ALK: variants seen among roughly 807,000 people sequenced by gnomAD.
The protein encoded by ALK is ALK tyrosine kinase receptor.
ALK carries 74 observed loss-of-function variants against 163.1 expected under a neutral mutation model. That is an observed-to-expected ratio of 0.45 (90% CI 0.38 to 0.55). ALK has a LOEUF of 0.55. ALK is among the 20% of genes least tolerant of loss of function. The probability of loss-of-function intolerance (pLI) is 0.00; values close to 1 mark genes in which losing one functional copy is unlikely to be tolerated. For synonymous variants in ALK, 960 were observed against 843.2 expected (o/e 1.14, Z -2.40); for missense variants, 2,063 against 2,105.3 (o/e 0.98, Z 0.39).
intron 1 of ALK, among the ~76,000 whole-genome samples, chr2:29,870,942 A>C (rs1184360911): frequency 6.6e-6 from 1 of 152,244 alleles, no homozygotes; most frequent in African/African-American, 2.4e-5. Flanking sequence ...CCACAAGGTC[A>C]TGCAGGATCA....
intron 26 of ALK, among the ~76,000 whole-genome samples, chr2:29,204,958 C>T (rs1669276078): frequency 1.3e-5 from 2 of 152,142 alleles, no homozygotes; most frequent in African/African-American, 4.8e-5. Context: ...GGTCTCTCCA[C>T]TGTGAAGTTT....
At chr2:29,753,917 T>C (rs1005304882) in intron 1 of ALK, among the ~76,000 whole-genome samples, 15 of 152,350 alleles carry the variant, frequency 9.8e-5, no homozygotes, top group Admixed American at 3.9e-4. Context: ...CTGAATCATT[T>C]TGAATGTTTT....
chr2:29,795,598 T>C (rs1328778127), intron 1 of ALK, among the ~76,000 whole-genome samples: 1 of 152,096 alleles, frequency 6.6e-6, no homozygotes, highest in Non-Finnish European at 1.5e-5. Context: ...CTACTTGAAA[T>C]AAAAAGTGAT....
intron 1 of ALK, among the ~76,000 whole-genome samples, chr2:29,747,850 A>T (rs537996808): frequency 6.6e-6 from 1 of 152,330 alleles, no homozygotes; most frequent in South Asian, 2.1e-4. Flanking sequence ...CACATTGTCA[A>T]GCTTTCCCTT....
intron 1 of ALK, among the ~76,000 whole-genome samples, chr2:29,801,461 C>T (rs934847383): frequency 3.9e-5 from 6 of 152,182 alleles, no homozygotes; most frequent in Admixed American, 6.5e-5. Context: ...TTGCTTTTAA[C>T]GATTCTAAGT....
intron 4 of ALK, among the ~76,000 whole-genome samples, chr2:29,525,270 C>T (rs1672926652): frequency 6.6e-6 from 1 of 152,190 alleles, no homozygotes. Context: ...GGCTCTCCAC[C>T]TTAAACACAA....
intron 3 of ALK, among the ~76,000 whole-genome samples, chr2:29,564,611 T>A (rs537789070): frequency 5.3e-5 from 8 of 152,172 alleles, no homozygotes; most frequent in Non-Finnish European, 1.0e-4. Flanking sequence ...TCTTTCTCCA[T>A]TTCCCTCTTA....
chr2:29,896,566 G>A (rs1314727651), intron 1 of ALK, among the ~76,000 whole-genome samples: 12 of 112,306 alleles, frequency 1.1e-4, no homozygotes, highest in Non-Finnish European at 2.3e-4. Flanking sequence ...AAGGAGAGAG[G>A]TCTCAGGAGA....
intron 8 of ALK, among the ~76,000 whole-genome samples, chr2:29,303,517 A>T (rs977843434): frequency 8.5e-5 from 13 of 152,230 alleles, no homozygotes; most frequent in Non-Finnish European, 1.5e-4. Flanking sequence ...TTCAACTCAG[A>T]AATCTCACCA....
chr2:29,451,347 A>T (rs944242674), intron 4 of ALK, among the ~76,000 whole-genome samples: 3 of 152,138 alleles, frequency 2.0e-5, no homozygotes, highest in African/African-American at 7.2e-5. Context: ...CTCCTTTGGT[A>T]AGAGCCATCC....
At chr2:29,366,971 G>T (rs1207744344) in intron 5 of ALK, among the ~76,000 whole-genome samples, 1 of 152,146 alleles carries the variant, frequency 6.6e-6, no homozygotes, top group Non-Finnish European at 1.5e-5. Flanking sequence ...TCATATTCCA[G>T]CTGGTCTGGC....
chr2:29,787,849 A>G, intron 1 of ALK, among the ~76,000 whole-genome samples: 1 of 150,508 alleles, frequency 6.6e-6, no homozygotes, highest in East Asian at 1.9e-4. Flanking sequence ...GAATGGAATC[A>G]AAATCACCAA....
At chr2:29,862,483 C>A (rs1271605927) in intron 1 of ALK, among the ~76,000 whole-genome samples, 1 of 151,954 alleles carries the variant, frequency 6.6e-6, no homozygotes, top group Non-Finnish European at 1.5e-5. Context: ...AATTCAGGAG[C>A]ATTTCTATAT....
Position 29,635,334 on chromosome 2 carries a change from G to C in ALK, c.952+59516C>G, listed in dbSNP as rs150340414. Among the ~76,000 whole-genome samples, 612 of 152,282 alleles carry C rather than the reference G, an allele frequency of 4.0e-3. 2 individuals carry two copies. Among genetic ancestry groups the C allele is most frequent in the Non-Finnish European group, 5.5e-3 (377 of 68,016 alleles). On this transcript the variant is annotated intron_variant, in intron 3 of 28. Transcript: ENST00000389048. The stretch of plus-strand genomic sequence containing the variant: ...ATGGTTAAATTAAAGATCTTGACAA[G>C]GGGGTATTAACCTAGATGATCCAGG...
At chr2:29,511,135 G>A (rs1019087643) in intron 4 of ALK, among the ~76,000 whole-genome samples, 2 of 152,050 alleles carry the variant, frequency 1.3e-5, no homozygotes, top group East Asian at 1.9e-4. Flanking sequence ...CAAAACTTAT[G>A]TGCAATAAAT....
intron 3 of ALK, among the ~76,000 whole-genome samples, chr2:29,604,060 T>G (rs1675451985): frequency 6.6e-6 from 1 of 152,134 alleles, no homozygotes; most frequent in Non-Finnish European, 1.5e-5. Flanking sequence ...TGTGGTCACC[T>G]CTGTATACTC....
intron 1 of ALK, among the ~76,000 whole-genome samples, chr2:29,841,488 T>C (rs377121982): frequency 2.0e-5 from 3 of 152,372 alleles, no homozygotes; most frequent in South Asian, 4.1e-4. Flanking sequence ...TATCAGTTTG[T>C]ATGTTAGAGA....
chr2:29,809,103 C>CT (rs1233692214), intron 1 of ALK, among the ~76,000 whole-genome samples: 1 of 152,206 alleles, frequency 6.6e-6, no homozygotes, highest in Non-Finnish European at 1.5e-5. Context: ...TATGCAGAAG[C>CT]TAAACTACAT....
intron 12 of ALK, among the ~76,000 whole-genome samples, chr2:29,244,305 G>A (rs1270890102): frequency 1.3e-5 from 2 of 152,228 alleles, no homozygotes; most frequent in East Asian, 3.8e-4. Flanking sequence ...AGGATGGTGA[G>A]GTCTGTCCTA....
Sources: allele counts gnomAD v4.1 joint callset (sites outside exome capture counted in the v4.1 genomes callset), GRCh38; gene constraint gnomAD v4.1.1; transcripts MANE v1.5; gene names NCBI Gene and HGNC (gene_info 2026-07-23, HGNC 2026-07-21).